ACOT7: variants seen among roughly 807,000 people sequenced by gnomAD.
ACOT7 encodes the protein acyl-CoA thioesterase 7.
A neutral mutation model predicts 40.2 loss-of-function variants in ACOT7; 12 were observed. The ratio of observed to expected loss-of-function variants is 0.30; its 90% CI spans 0.19 to 0.48. The LOEUF is 0.48. Among genes scored for constraint, ACOT7 ranks in the 20% least tolerant of loss-of-function variants. The pLI is 0.99. For synonymous variants in ACOT7, 228 were observed against 219.5 expected, an observed-to-expected ratio of 1.04 and a Z score of -0.34; for missense variants, 395 against 530.8, an observed-to-expected ratio of 0.74 and a Z score of 2.51.
At chr1:6,318,087 G>A (rs1344334126) in intron 6 of ACOT7, among the ~76,000 whole-genome samples, 3 of 148,892 alleles carry the variant, frequency 2.0e-5, no homozygotes, top group African/African-American at 4.9e-5. Context: ...ATAGGGTCTC[G>A]TTCTGTTGCC....
rs1158448973 is a variant in ACOT7, at chr1:6,288,678, T to C, written c.829+6186A>G. ...AAGTGTGGGGCATCCTGGAAGAGTC[T>C]GGTTCATAAATGCCAAATTTGCAGC... On this transcript the variant is annotated intron_variant, in intron 7 of 8. Transcript: ENST00000361521. The surrounding 1 kb of genome is among the most constrained non-coding windows in gnomAD (Gnocchi z 4.3). Among the ~76,000 whole-genome samples, 1 of 152,220 alleles carries C rather than the reference T, an allele frequency of 6.6e-6. No homozygotes were observed. The highest frequency in any genetic ancestry group is 1.9e-4 in the East Asian group (1 of 5,190).
intron 2 of ACOT7, among the ~76,000 whole-genome samples, chr1:6,348,895 C>T (rs1475807813): frequency 1.3e-5 from 2 of 152,150 alleles, no homozygotes; most frequent in Non-Finnish European, 2.9e-5. Context: ...GCATTATGCC[C>T]GTGCCCATGG....
chr1:6,302,843 T>A lies in ACOT7; in HGVS notation c.713-7863A>T, dbSNP rs533409968. On this transcript the variant is annotated intron_variant, in intron 6 of 8. Transcript: ENST00000361521. ...TCATTAGAAAGCCACGTGCCCATCGTGTCCTGCGTGTAAAGACTGCTACCA... is the reference window on the plus strand; with the variant it reads ...TCATTAGAAAGCCACGTGCCCATCGAGTCCTGCGTGTAAAGACTGCTACCA... Among the ~76,000 whole-genome samples, 27 of 151,862 alleles carry A rather than the reference T, an allele frequency of 1.8e-4. No homozygotes were observed. In the South Asian group the frequency reaches 4.6e-3, roughly 26 times the overall value.
chr1:6,288,992 T>C lies in ACOT7; in HGVS notation c.829+5872A>G, dbSNP rs1639589861. Among the ~76,000 whole-genome samples the C allele has an allele frequency of 6.6e-6, 1 of 152,242 alleles. No homozygotes were observed. The highest frequency in any genetic ancestry group is 2.1e-4 in the South Asian group (1 of 4,828). Reference sequence around the variant, plus strand: ...GGTCACTCTCCCAAGGAGGCAGTTTTACGGGAGGCTGAAGGAGAGAAAGCA... The same window carrying C: ...GGTCACTCTCCCAAGGAGGCAGTTTCACGGGAGGCTGAAGGAGAGAAAGCA... On this transcript the variant is annotated intron_variant, in intron 7 of 8. Transcript: ENST00000361521. This position sits in a 1 kb window ranked among gnomAD's most constrained non-coding sequence, Gnocchi z 4.3.
intron 1 of ACOT7, among the ~76,000 whole-genome samples, chr1:6,372,927 T>A (rs1391883263): frequency 6.6e-6 from 1 of 152,160 alleles, no homozygotes. Flanking sequence ...TTAATTGGTC[T>A]AATTTCAAAA....
chr1:6,330,070 T>G lies in ACOT7; in HGVS notation c.511-2657A>C, dbSNP rs1019647363. On this transcript the variant is annotated intron_variant, in intron 4 of 8. Coordinates refer to ENST00000361521, the MANE Select transcript of ACOT7 (RefSeq NM_007274.4). The surrounding 1 kb of genome is among the most constrained non-coding windows in gnomAD (Gnocchi z 4.6). ...AGGAAACCAGTGTGTGTGTGTGGTG[T>G]GTGTGTGTGTGTGCGTGTTCAAGAT... Among the ~76,000 whole-genome samples, 23 of 152,236 alleles carry G rather than the reference T, an allele frequency of 1.5e-4. No homozygotes were observed. The highest frequency in any genetic ancestry group is 3.9e-4 in the Admixed American group (6 of 15,296).
chr1:6,290,288 G>A (rs1356993436), intron 7 of ACOT7, among the ~76,000 whole-genome samples: 3 of 152,266 alleles, frequency 2.0e-5, no homozygotes, highest in Non-Finnish European at 4.4e-5. Context: ...TTAAGCTACT[G>A]TGTATGGAAA....
Position 6,327,325 on chromosome 1 carries a change from T to C in ACOT7, c.599A>G (p.Asp200Gly). Reference sequence around the variant, plus strand: ...TGGGTTGAGGACTGGCTGGACGATGTCCCCGTTCCTCCACTTGGTCTCCAT... The same window carrying C: ...TGGGTTGAGGACTGGCTGGACGATGCCCCCGTTCCTCCACTTGGTCTCCAT... Reference protein sequence around the residue: ...ERMETKWRNGDIVQPVLNPEP... With the variant: ...ERMETKWRNGGIVQPVLNPEP... Residue 200 changes from aspartate (D) to glycine (G), a missense_variant, in exon 5 of 9, where the codon GAC becomes GGC. By Grantham distance (94) the Asp-to-Gly change is moderately conservative. This residue lies in a region of ACOT7 where 309 missense variants were observed against 470.3 expected (regional missense o/e 0.66). Transcript: ENST00000361521. 1.2e-6 allele frequency: 2 copies of C among 1,614,116 alleles called. No homozygotes were observed. The highest frequency in any genetic ancestry group is 1.7e-6 in the Non-Finnish European group (2 of 1,180,008).
chr1:6,328,271 G>C (rs951328388), intron 4 of ACOT7, among the ~76,000 whole-genome samples: 1 of 152,182 alleles, frequency 6.6e-6, no homozygotes, highest in Non-Finnish European at 1.5e-5. Context: ...TATATTGGTA[G>C]AGAATGGGCA....
chr1:6,298,453 C>T (rs1639874486), intron 6 of ACOT7, among the ~76,000 whole-genome samples: 1 of 152,196 alleles, frequency 6.6e-6, no homozygotes, highest in African/African-American at 2.4e-5. Flanking sequence ...ATTTTTCAAT[C>T]AGCATCCCCA....
chr1:6,321,932 G>A (rs1488569274), intron 5 of ACOT7, among the ~76,000 whole-genome samples: 1 of 152,228 alleles, frequency 6.6e-6, no homozygotes, highest in Non-Finnish European at 1.5e-5. Context: ...TCGTGGTATT[G>A]TGGGTTTCAG....
chr1:6,342,110 G>T (rs1240031063), intron 2 of ACOT7, among the ~76,000 whole-genome samples: 1 of 152,200 alleles, frequency 6.6e-6, no homozygotes, highest in Non-Finnish European at 1.5e-5. Context: ...CAGTCCTGGA[G>T]GGGGGAAGTC....
At chr1:6,283,797 C>T (rs1321834898) in intron 7 of ACOT7, among the ~76,000 whole-genome samples, 2 of 152,186 alleles carry the variant, frequency 1.3e-5, no homozygotes, top group Non-Finnish European at 2.9e-5. Flanking sequence ...AAGACACAGG[C>T]TATAAGGTTG....
chr1:6,388,970 G>A (rs1242945407), intron 1 of ACOT7, among the ~76,000 whole-genome samples: 1 of 151,704 alleles, frequency 6.6e-6, no homozygotes. Context: ...GAACCCGGGA[G>A]GCGGAGCTTG....
intron 1 of ACOT7, among the ~76,000 whole-genome samples, chr1:6,362,145 G>C (rs1424372158): frequency 6.6e-6 from 1 of 152,078 alleles, no homozygotes; most frequent in Non-Finnish European, 1.5e-5. Context: ...AAAGTCAAGA[G>C]GTGGGCTGGG....
intron 2 of ACOT7, among the ~76,000 whole-genome samples, chr1:6,344,880 A>T (rs1641378227): frequency 6.7e-6 from 1 of 149,362 alleles, no homozygotes; most frequent in South Asian, 2.1e-4. Context: ...CTGTGGGAGG[A>T]TTTTGTTTTA....
intron 7 of ACOT7, among the ~76,000 whole-genome samples, chr1:6,290,873 C>T (rs768786962): frequency 3.9e-5 from 6 of 152,214 alleles, no homozygotes; most frequent in Non-Finnish European, 8.8e-5. Flanking sequence ...CCCTTGCCAG[C>T]TGTATGACTG....
rs192839962 is a variant in ACOT7, at chr1:6,316,548, G to A, written c.712+1944C>T. 3.9e-3 allele frequency among the ~76,000 whole-genome samples: 588 copies of A among 152,320 alleles called. 3 individuals carry two copies. The highest frequency in any genetic ancestry group is 3.9e-3 in the Non-Finnish European group (266 of 68,026). On this transcript the variant is annotated intron_variant, in intron 6 of 8. Transcript: ENST00000361521. ...ATCAGGGCCGGGCGCGGTGGCTCAC[G>A]CCTGTGATCCCAGCACTTTGGGAGG... is the stretch of plus-strand genomic sequence containing the variant.
chr1:6,322,153 G>A (rs1362627589), intron 5 of ACOT7, among the ~76,000 whole-genome samples: 2 of 152,132 alleles, frequency 1.3e-5, no homozygotes, highest in Middle Eastern at 3.4e-3. Context: ...GGCACTTGGA[G>A]GGGTCTGTTG....
Sources: gnomAD v4.1 joint callset for allele counts (sites outside exome capture counted in the v4.1 genomes callset) on GRCh38, gnomAD v4.1.1 for gene constraint, gnomAD v4.1.1 regional missense constraint, Gnocchi (gnomAD v3.1) non-coding constraint, MANE v1.5 for transcripts, NCBI Gene and HGNC (gene_info 2026-07-23, HGNC 2026-07-21) for gene names.